Variants in EXT1 observed in about 807,000 individuals in gnomAD.
The protein encoded by EXT1 is exostosin-1.
In EXT1, 20 loss-of-function variants were observed where a neutral mutation model predicts 82.5. That is an observed-to-expected ratio of 0.24 (90% confidence interval 0.17 to 0.35). The LOEUF is 0.35. Ranked by LOEUF, EXT1 falls within the 10% of genes least tolerant of loss-of-function variation. The probability of loss-of-function intolerance (pLI) is 1.00; values close to 1 mark genes in which losing one functional copy is unlikely to be tolerated. For synonymous variants in EXT1, 348 were observed against 350.8 expected, an observed-to-expected ratio of 0.99 and a Z score of 0.09; for missense variants, 757 against 936.5, an observed-to-expected ratio of 0.81 and a Z score of 2.50.
intron 1 of EXT1, among the ~76,000 whole-genome samples, chr8:118,059,438 G>A (rs917171279): frequency 6.6e-6 from 1 of 152,170 alleles, no homozygotes; most frequent in African/African-American, 2.4e-5. Context: ...ACAACGGCAG[G>A]TGCCCAATGG....
In EXT1 at chr8:117,799,772, G is replaced by C; in HGVS notation, c.2181C>G (p.Val727=). Residue 727 remains valine, a synonymous_variant, in exon 11 of 11, where the codon GTC becomes GTG. Coordinates refer to ENST00000378204, the MANE Select transcript of EXT1 (RefSeq NM_000127.3). The part of the protein sequence containing the change: ...LIHSQMRLDP[V]LFKDQVSILR... ...AAATAGAGACCTGGTCTTTAAAGAGGACGGGGTCGAGCCTCATCTGAGAGT... is the reference window on the plus strand; with the variant it reads ...AAATAGAGACCTGGTCTTTAAAGAGCACGGGGTCGAGCCTCATCTGAGAGT... 6.2e-7 allele frequency: 1 copy of C among 1,614,162 alleles called. No homozygotes were observed.
chr8:118,036,282 A>G (rs1183384918), intron 1 of EXT1, among the ~76,000 whole-genome samples: 2 of 152,068 alleles, frequency 1.3e-5, no homozygotes, highest in African/African-American at 2.4e-5. Context: ...TCAGGCTGTT[A>G]GCCATTCCAG....
At chr8:117,927,399 G>A (rs1284901189) in intron 1 of EXT1, among the ~76,000 whole-genome samples, 1 of 1,344 alleles carries the variant, frequency 7.4e-4, no homozygotes, top group African/African-American at 7.2e-3. Flanking sequence ...GCTTCTTTAA[G>A]CTAGATTCCT....
intron 1 of EXT1, among the ~76,000 whole-genome samples, chr8:117,893,313 A>G (rs950105027): frequency 6.6e-6 from 1 of 152,248 alleles, no homozygotes; most frequent in Non-Finnish European, 1.5e-5. Context: ...AGCATTTTCC[A>G]ATCTATCAAC....
chr8:117,988,652 C>T (rs1815372053), intron 1 of EXT1, among the ~76,000 whole-genome samples: 1 of 152,156 alleles, frequency 6.6e-6, no homozygotes, highest in East Asian at 1.9e-4. Flanking sequence ...CTCCCAACCC[C>T]AATGTCAAGA....
chr8:118,083,661 A>C (rs1193664354), intron 1 of EXT1, among the ~76,000 whole-genome samples: 1 of 152,174 alleles, frequency 6.6e-6, no homozygotes, highest in Admixed American at 6.5e-5. Flanking sequence ...ACATAGTAAG[A>C]AGCTCAATAG....
chr8:117,941,394 T>C (rs954584704), intron 1 of EXT1, among the ~76,000 whole-genome samples: 5 of 152,136 alleles, frequency 3.3e-5, no homozygotes, highest in African/African-American at 9.7e-5. Flanking sequence ...CTATAACATA[T>C]GGAGGGGGGA....
intron 4 of EXT1, among the ~76,000 whole-genome samples, chr8:117,827,130 T>A (rs1209594116): frequency 1.3e-4 from 20 of 152,272 alleles, no homozygotes; most frequent in Middle Eastern, 3.4e-3. Flanking sequence ...AGACAGCTTG[T>A]GAGATTCTAG....
rs1391717700 is a variant in EXT1, at chr8:117,909,772, T to A, written c.963-72571A>T. ...GAAAAGGTTGTAAATTAATTTTTTT[T>A]TATTTTTATTTTTTAGATGGAGTCT... On this transcript the variant is annotated intron_variant, in intron 1 of 10. Coordinates refer to ENST00000378204, the MANE Select transcript of EXT1 (RefSeq NM_000127.3). Among the ~76,000 whole-genome samples, 5 of 152,242 alleles carry A rather than the reference T, an allele frequency of 3.3e-5. No homozygotes were observed. The East Asian group carries it at 9.6e-4, about 29-fold the overall frequency.
At chr8:118,109,318 A>G (rs1817848709) in intron 1 of EXT1, among the ~76,000 whole-genome samples, 1 of 151,438 alleles carries the variant, frequency 6.6e-6, no homozygotes, top group African/African-American at 2.4e-5. Context: ...GGAAATCTAA[A>G]TTAGCAACTG....
chr8:118,102,895 C>T (rs1817746519), intron 1 of EXT1, among the ~76,000 whole-genome samples: 1 of 152,038 alleles, frequency 6.6e-6, no homozygotes, highest in Non-Finnish European at 1.5e-5. Context: ...TGGCTCATGC[C>T]TGTAATCTCA....
At chr8:117,843,853 T>C (rs1260742792) in intron 1 of EXT1, among the ~76,000 whole-genome samples, 1 of 152,156 alleles carries the variant, frequency 6.6e-6, no homozygotes, top group African/African-American at 2.4e-5. Context: ...CTAAATCCCA[T>C]TTTCTTTCCA....
chr8:117,989,061 C>A (rs202095797), intron 1 of EXT1, among the ~76,000 whole-genome samples: 346 of 105,132 alleles, frequency 3.3e-3, no homozygotes, highest in South Asian at 5.7e-3. Context: ...CCCCTCCTCT[C>A]AAAAAAAAAA....
chr8:117,829,170 A>C (rs1254188529), intron 4 of EXT1, among the ~76,000 whole-genome samples: 2 of 152,146 alleles, frequency 1.3e-5, no homozygotes, highest in East Asian at 3.9e-4. Context: ...CTTGTAATGC[A>C]TGCGTGTGCA....
At chr8:117,981,882 C>T (rs964321546) in intron 1 of EXT1, among the ~76,000 whole-genome samples, 3 of 151,406 alleles carry the variant, frequency 2.0e-5, no homozygotes, top group African/African-American at 7.3e-5. Context: ...AAAAAAAAGG[C>T]AGGCAGAAAG....
chr8:118,005,192 G>A (rs1815748324), intron 1 of EXT1, among the ~76,000 whole-genome samples: 1 of 152,150 alleles, frequency 6.6e-6, no homozygotes, highest in Admixed American at 6.5e-5. Context: ...ACCATCACAT[G>A]CTTAATGATG....
chr8:117,944,714 A>T (rs1814353077), intron 1 of EXT1, among the ~76,000 whole-genome samples: 1 of 152,074 alleles, frequency 6.6e-6, no homozygotes, highest in Non-Finnish European at 1.5e-5. Flanking sequence ...ACATATTAAA[A>T]GAACAGGCAA....
At chr8:118,093,268 C>CAA (rs10594150) in intron 1 of EXT1, among the ~76,000 whole-genome samples, 106 of 66,754 alleles carry the variant, frequency 1.6e-3, no homozygotes, top group African/African-American at 3.2e-3. Context: ...AAATTCCCAG[C>CAA]AAAAAAAAAA....
At chr8:117,945,987 T>A (rs975914384) in intron 1 of EXT1, among the ~76,000 whole-genome samples, 17 of 152,162 alleles carry the variant, frequency 1.1e-4, no homozygotes, top group African/African-American at 3.9e-4. Flanking sequence ...ACTGCAACCT[T>A]CACCTCCTGG....
Sources: allele counts gnomAD v4.1 joint callset (sites outside exome capture counted in the v4.1 genomes callset), GRCh38; gene constraint gnomAD v4.1.1; transcripts MANE v1.5; gene names NCBI Gene and HGNC (gene_info 2026-07-23, HGNC 2026-07-21).